Variants in QPCTL observed in about 807,000 individuals in gnomAD.
QPCTL encodes the protein glutaminyl-peptide cyclotransferase like.
A neutral mutation model predicts 34.6 loss-of-function variants in QPCTL; 31 were observed. The observed-to-expected ratio is 0.90, with a 90% CI of 0.67 to 1.21. The LOEUF (loss-of-function observed/expected upper bound fraction) is 1.21, where lower values mean the gene tolerates loss of function less well. Among genes scored for constraint, QPCTL ranks in the 50% most tolerant of loss-of-function variants. The pLI is 0.00. For missense variants in QPCTL, 474 were observed against 507.8 expected (o/e 0.93, Z 0.64); for synonymous variants, 223 against 226.9 (o/e 0.98, Z 0.15).
chr19:45,701,422 CCCA>C (rs1272621473), intron 5 of QPCTL, among the ~76,000 whole-genome samples: 3 of 151,810 alleles, frequency 2.0e-5, no homozygotes, highest in Non-Finnish European at 4.4e-5. Context: ...ATTACAGGCG[CCCA>C]CCACCACACC....
rs777938119 is a variant in QPCTL, at chr19:45,693,593, C to T, written c.351+37C>T. The T allele has an allele frequency of 9.6e-6, 15 of 1,554,916 alleles. 1 individual carries two copies. In the South Asian group the frequency reaches 1.8e-4, roughly 19 times the overall value. Reference sequence around the variant, plus strand: ...CACCTCCAGTCCCTGACCCCCTAGCCCTCCAGGGAATGGGAAATAAGAATC... The same window carrying T: ...CACCTCCAGTCCCTGACCCCCTAGCTCTCCAGGGAATGGGAAATAAGAATC... On this transcript the variant is annotated intron_variant, in intron 2 of 6. Transcript: ENST00000012049.
At chr19:45,699,018 A>G in intron 5 of QPCTL, 118 bp downstream of exon 5, 3 of 651,618 alleles carry the variant, frequency 4.6e-6, no homozygotes, top group South Asian at 2.0e-5. Flanking sequence ...TGGGCCACAT[A>G]GGGAGACCCC....
At chr19:45,694,122 C>G (rs971344397) in intron 2 of QPCTL, among the ~76,000 whole-genome samples, 9 of 152,138 alleles carry the variant, frequency 5.9e-5, no homozygotes, top group Non-Finnish European at 1.2e-4. Flanking sequence ...GTTCACACCT[C>G]TAATCCCAGC....
intron 5 of QPCTL, among the ~76,000 whole-genome samples, chr19:45,700,470 A>G (rs1967788519): frequency 6.6e-6 from 1 of 152,000 alleles, no homozygotes; most frequent in South Asian, 2.1e-4. Context: ...TAAACAAATA[A>G]ATAAATAAGA....
intron 5 of QPCTL, among the ~76,000 whole-genome samples, chr19:45,699,425 C>T (rs1450688134): frequency 6.6e-6 from 1 of 151,754 alleles, no homozygotes; most frequent in Non-Finnish European, 1.5e-5. Context: ...GAGGTCAAGG[C>T]TATAGTGAGC....
intron 5 of QPCTL, 131 bp downstream of exon 5, chr19:45,699,031 CT>C (rs563977852): frequency 0.13 from 42,304 of 329,148 alleles, 112 homozygotes; most frequent in South Asian, 0.16. Flanking sequence ...GAGACCCCAT[CT>C]TTTTTTTTTT....
rs112197334 is a variant in QPCTL at position 45,702,962 on chromosome 19, G to C, written c.1062G>C (p.Ala354=). Residue 354 remains alanine, a synonymous_variant, in exon 7 of 7, where the codon GCG becomes GCC. Coordinates refer to ENST00000012049, the MANE Select transcript of QPCTL (RefSeq NM_017659.4). ...TPFPAVWHTP[A]DTEVNLHPPT... is the part of the protein sequence containing the mutation. ...TCCCTGCTGTCTGGCACACCCCTGCGGACACCGAGGTCAATCTCCACCCAC... is the reference window on the plus strand; with the variant it reads ...TCCCTGCTGTCTGGCACACCCCTGCCGACACCGAGGTCAATCTCCACCCAC... The C allele has an allele frequency of 6.2e-7, 1 of 1,613,940 alleles. No individual in the cohort carries two copies. The highest frequency in any genetic ancestry group is 1.1e-5 in the South Asian group (1 of 91,076).
intron 4 of QPCTL, 33 bp from the exon 5 acceptor site, chr19:45,698,768 A>C (rs1291748242): frequency 6.2e-7 from 1 of 1,613,238 alleles, no homozygotes; most frequent in Non-Finnish European, 8.5e-7. Context: ...GTCATCCTGC[A>C]CGGGCCCCTC....
intron 3 of QPCTL, among the ~76,000 whole-genome samples, chr19:45,698,172 G>C (rs1196277127): frequency 6.6e-6 from 1 of 151,936 alleles, no homozygotes; most frequent in Non-Finnish European, 1.5e-5. Flanking sequence ...GAACCTGGGA[G>C]GTAGGGGGTG....
rs2146134532 is a variant in QPCTL at position 45,703,096 on chromosome 19, C to T, written c.*47C>T. ...GAGAGGACTGTGAGAGAGAAGGTCC[C>T]AGCGGGGGCCAGTGAAGCTCAGGCA... On this transcript the variant is annotated 3_prime_UTR_variant, in exon 7 of 7. Coordinates refer to ENST00000012049, the MANE Select transcript of QPCTL (RefSeq NM_017659.4). 1 of 1,608,872 alleles carries T rather than the reference C, an allele frequency of 6.2e-7. No individual in the cohort carries two copies. The highest frequency in any genetic ancestry group is 8.5e-7 in the Non-Finnish European group (1 of 1,175,738).
intron 5 of QPCTL, among the ~76,000 whole-genome samples, chr19:45,700,551 T>C (rs1967789801): frequency 1.3e-5 from 2 of 152,266 alleles, no homozygotes; most frequent in Non-Finnish European, 2.9e-5. Flanking sequence ...AGATTAGTAA[T>C]AGTGATTACC....
chr19:45,700,327 C>T (rs545058286), intron 5 of QPCTL, among the ~76,000 whole-genome samples: 1 of 151,550 alleles, frequency 6.6e-6, no homozygotes, highest in South Asian at 2.1e-4. Flanking sequence ...TGCCTGTAGT[C>T]CTAGCTACTC....
chr19:45,702,848 C>T, intron 6 of QPCTL, 56 bp from the exon 7 acceptor site: 1 of 1,608,764 alleles, frequency 6.2e-7, no homozygotes, highest in Admixed American at 1.7e-5. Flanking sequence ...TGGGCTTGGG[C>T]TCCTGGGTTG....
intron 5 of QPCTL, among the ~76,000 whole-genome samples, chr19:45,701,342 C>G (rs539328900): frequency 1.7e-4 from 25 of 151,252 alleles, no homozygotes; most frequent in Non-Finnish European, 1.3e-4. Context: ...GTGGTGCAAT[C>G]TCAGCTCACT....
At position 45,702,902 on chromosome 19, in the gene QPCTL, AG is replaced by A; in HGVS notation, c.1006del. The stretch of plus-strand genomic sequence containing the variant: ...CTGACAAAGTCTCCTCTGTCACTTC[AG>A]GGGTACCCGTGCTCCATCTCATCTC... On this transcript the variant is annotated splice_acceptor_variant, in intron 6 of 6. Transcript: ENST00000012049. LOFTEE classifies it high-confidence loss of function. The A allele has an allele frequency of 1.2e-6, 2 of 1,614,010 alleles. No individual in the cohort carries two copies. Among genetic ancestry groups the A allele is most frequent in the Middle Eastern group, 1.6e-4 (1 of 6,062 alleles).
chr19:45,692,717 G>GT lies in QPCTL; in HGVS notation c.14_15insT (p.Arg6ProfsTer55), dbSNP rs575048001. The GT allele has an allele frequency of 2.2e-4, 339 of 1,551,456 alleles. 4 individuals carry two copies. The South Asian group carries it at 3.7e-3, about 17-fold the overall frequency. ...GGCAAAGCGGCCATGCGTTCCGGGG[G>GT]CCGCGGGCGACCCCGCCTGCGGCTG... On this transcript the variant is annotated frameshift_variant, in exon 1 of 7. Coordinates refer to ENST00000012049, the MANE Select transcript of QPCTL (RefSeq NM_017659.4). LOFTEE classifies it high-confidence loss of function.
chr19:45,700,699 G>A (rs919484433), intron 5 of QPCTL, among the ~76,000 whole-genome samples: 2 of 151,986 alleles, frequency 1.3e-5, no homozygotes, highest in Non-Finnish European at 2.9e-5. Context: ...GGTGGCTCAT[G>A]CCTGTAATCC....
intron 3 of QPCTL, among the ~76,000 whole-genome samples, chr19:45,696,959 A>G (rs1475637106): frequency 6.6e-6 from 1 of 151,718 alleles, no homozygotes; most frequent in Non-Finnish European, 1.5e-5. Context: ...CATCTCTACT[A>G]AAAATACAAA....
chr19:45,695,849 T>A lies in QPCTL; in HGVS notation c.633+131T>A, dbSNP rs1234931392. 4.3e-4 allele frequency: 10 copies of A among 23,124 alleles called. No individual in the cohort carries two copies. In the East Asian group the frequency reaches 0.013, roughly 29 times the overall value. The allele number at this position is 23,124 out of a possible 1,614,324, so 1.4% of individuals were successfully genotyped here. ...CTCCACGCACAGAGCCACAGGGATC[T>A]TTTTTTTTTTTTTGAGACGGAGTTT... is the stretch of plus-strand genomic sequence containing the variant. On this transcript the variant is annotated intron_variant, in intron 3 of 6. Coordinates refer to ENST00000012049, the MANE Select transcript of QPCTL (RefSeq NM_017659.4).
Sources: gnomAD v4.1 joint callset for allele counts (sites outside exome capture counted in the v4.1 genomes callset) on GRCh38, gnomAD v4.1.1 for gene constraint, MANE v1.5 for transcripts, NCBI Gene and HGNC (gene_info 2026-07-23, HGNC 2026-07-21) for gene names.